PARD3B: variants seen among roughly 807,000 people sequenced by gnomAD.
The protein encoded by PARD3B is par-3 family cell polarity regulator beta.
In PARD3B, 103 loss-of-function variants were observed where a neutral mutation model predicts 130.2. The ratio of observed to expected loss-of-function variants is 0.79; its 90% CI spans 0.67 to 0.93. PARD3B has a LOEUF of 0.93. Ranked by LOEUF, PARD3B falls within the 40% of genes least tolerant of loss-of-function variation. The pLI, the probability that PARD3B is intolerant of heterozygous loss-of-function variation, is 0.00. For synonymous variants in PARD3B, 583 were observed against 553.2 expected, an observed-to-expected ratio of 1.05 and a Z score of -0.76; for missense variants, 1,609 against 1,499.2, an observed-to-expected ratio of 1.07 and a Z score of -1.21.
At chr2:204,980,425 A>AAT (rs1022517014) in intron 3 of PARD3B, among the ~76,000 whole-genome samples, 3 of 152,178 alleles carry the variant, frequency 2.0e-5, no homozygotes, top group African/African-American at 7.2e-5. Flanking sequence ...AATTCCAAAT[A>AAT]ATATATATAG....
intron 1 of PARD3B, among the ~76,000 whole-genome samples, chr2:204,667,981 A>G (rs1255357496): frequency 2.0e-5 from 3 of 152,204 alleles, no homozygotes; most frequent in Admixed American, 2.0e-4. Flanking sequence ...TGATTCTTGT[A>G]TGGACAGAAG....
intron 1 of PARD3B, among the ~76,000 whole-genome samples, chr2:204,587,046 A>G (rs1326062357): frequency 6.6e-6 from 1 of 152,218 alleles, no homozygotes; most frequent in African/African-American, 2.4e-5. Flanking sequence ...ATGCAATGTA[A>G]AAATGGAGTG....
chr2:204,953,579 G>A (rs1384981238), intron 2 of PARD3B, among the ~76,000 whole-genome samples: 1 of 152,104 alleles, frequency 6.6e-6, no homozygotes, highest in African/African-American at 2.4e-5. Context: ...ATCTGGGGGA[G>A]TTATATCATC....
intron 18 of PARD3B, among the ~76,000 whole-genome samples, chr2:205,382,903 G>A (rs2045503873): frequency 6.6e-6 from 1 of 151,530 alleles, no homozygotes; most frequent in Non-Finnish European, 1.5e-5. Context: ...TTATTTTTTG[G>A]CACCGTGAAA....
intron 2 of PARD3B, among the ~76,000 whole-genome samples, chr2:204,948,416 A>G (rs938551672): frequency 2.0e-5 from 3 of 152,190 alleles, no homozygotes; most frequent in Admixed American, 6.5e-5. Context: ...TTGGACCTAC[A>G]TTTGTCAAGT....
chr2:204,586,650 A>C (rs568035203), intron 1 of PARD3B, among the ~76,000 whole-genome samples: 68 of 151,756 alleles, frequency 4.5e-4, no homozygotes, highest in African/African-American at 1.6e-3. Flanking sequence ...GTAGGTCTCG[A>C]ATTTATGACT....
In PARD3B at chr2:205,265,296, T is replaced by TATCA. The variant is rs1444573205; in HGVS notation, c.2185+19474_2185+19475insATCA. ...CACGAGCCTTCAGGGAAGATTGGGGTGATACATGGAATCGATGCACTTTCA... is the reference window on the plus strand; with the variant it reads ...CACGAGCCTTCAGGGAAGATTGGGGTATCAGATACATGGAATCGATGCACTTTCA... On this transcript the variant is annotated intron_variant, in intron 16 of 22. Coordinates refer to ENST00000406610, the MANE Select transcript of PARD3B (RefSeq NM_001302769.2). This position sits in a 1 kb window ranked among gnomAD's most constrained non-coding sequence, Gnocchi z 4.3. Among the ~76,000 whole-genome samples the TATCA allele has an allele frequency of 2.0e-5, 3 of 151,996 alleles. No individual in the cohort carries two copies. Among genetic ancestry groups the TATCA allele is most frequent in the African/African-American group, 4.8e-5 (2 of 41,418 alleles).
At chr2:205,266,032 G>A (rs1220311374) in intron 16 of PARD3B, among the ~76,000 whole-genome samples, 1 of 151,990 alleles carries the variant, frequency 6.6e-6, no homozygotes, top group Non-Finnish European at 1.5e-5. Flanking sequence ...TGTTTCTTAC[G>A]CTAAGATTAT....
chr2:205,415,419 G>A (rs892414651), intron 19 of PARD3B, among the ~76,000 whole-genome samples: 3 of 152,036 alleles, frequency 2.0e-5, no homozygotes, highest in African/African-American at 4.8e-5. Flanking sequence ...TTAAGAAATG[G>A]GCACTTAATT....
intron 21 of PARD3B, among the ~76,000 whole-genome samples, chr2:205,521,473 T>C (rs1218720151): frequency 6.6e-6 from 1 of 152,070 alleles, no homozygotes; most frequent in Non-Finnish European, 1.5e-5. Flanking sequence ...TTAAGGACTT[T>C]TATTTTTGTG....
At chr2:204,730,119 G>A (rs1055243290) in intron 2 of PARD3B, among the ~76,000 whole-genome samples, 1 of 151,806 alleles carries the variant, frequency 6.6e-6, no homozygotes. Flanking sequence ...TTGTCACCCA[G>A]GCTGGAGTGC....
At chr2:204,626,194 T>C (rs2034481635) in intron 1 of PARD3B, among the ~76,000 whole-genome samples, 1 of 152,142 alleles carries the variant, frequency 6.6e-6, no homozygotes, top group Non-Finnish European at 1.5e-5. Context: ...TGGCAGATTT[T>C]TGAAATGCCC....
In PARD3B at chr2:205,085,351, T is replaced by G. The variant is rs557263554; in HGVS notation, c.505-19075T>G. On this transcript the variant is annotated intron_variant, in intron 4 of 22. Coordinates refer to ENST00000406610, the MANE Select transcript of PARD3B (RefSeq NM_001302769.2). ...ACTCTTAGCTAAAGGTAAGAGACAT[T>G]CAGTGATCACTGGTTTTATTTTTTT... Among the ~76,000 whole-genome samples the G allele has an allele frequency of 1.3e-5, 2 of 152,164 alleles. 1 individual carries two copies. The highest frequency in any genetic ancestry group is 4.8e-5 in the African/African-American group (2 of 41,572).
At chr2:205,198,348 T>G (rs76162090) in intron 15 of PARD3B, among the ~76,000 whole-genome samples, 1 of 152,192 alleles carries the variant, frequency 6.6e-6, no homozygotes, top group Middle Eastern at 3.2e-3. Context: ...TTAGGAAGTT[T>G]CCTGACAATG....
At chr2:205,401,942 A>G (rs1046842619) in intron 19 of PARD3B, among the ~76,000 whole-genome samples, 1 of 152,138 alleles carries the variant, frequency 6.6e-6, no homozygotes, top group South Asian at 2.1e-4. Flanking sequence ...ACAACTTTTC[A>G]CTTGCTTATT....
intron 2 of PARD3B, among the ~76,000 whole-genome samples, chr2:204,817,083 T>G (rs771441104): frequency 1.3e-5 from 2 of 152,158 alleles, no homozygotes; most frequent in African/African-American, 2.4e-5. Context: ...GGGCTCTTTT[T>G]ATATATTACA....
Position 205,121,626 on chromosome 2 carries a change from C to A in PARD3B, c.842C>A (p.Pro281Gln), listed in dbSNP as rs756173188. ...QDVFRQAMKSPSVLLHVLPPQ... is the reference protein window; with the variant it reads ...QDVFRQAMKSQSVLLHVLPPQ... ...GTCTTCCGCCAGGCAATGAAATCTC[C>A]AAGTGTGCTCCTCCACGTGCTTCCT... The change falls in exon 8 of 23, where the codon CCA (proline) becomes CAA (glutamine). Residue 281 changes from proline (P) to glutamine (Q), a missense_variant. By Grantham distance (76) the Pro-to-Gln change is moderately conservative (BLOSUM62 -1). Transcript: ENST00000406610. This position sits in a 1 kb window ranked among gnomAD's most constrained non-coding sequence, Gnocchi z 5.0. The A allele has an allele frequency of 6.2e-7, 1 of 1,613,850 alleles. No individual in the cohort carries two copies. Among genetic ancestry groups the A allele is most frequent in the African/African-American group, 1.3e-5 (1 of 74,908 alleles).
At chr2:204,603,744 A>T (rs1471740942) in intron 1 of PARD3B, among the ~76,000 whole-genome samples, 1 of 152,168 alleles carries the variant, frequency 6.6e-6, no homozygotes, top group Non-Finnish European at 1.5e-5. Flanking sequence ...AGAATATGAA[A>T]CTAGGCTTGT....
intron 2 of PARD3B, among the ~76,000 whole-genome samples, chr2:204,854,852 C>A (rs10198512): frequency 0.055 from 8,355 of 152,106 alleles, 476 homozygotes; most frequent in African/African-American, 0.14. Flanking sequence ...AGGTCCTGGA[C>A]ACACACAAGG....
Sources: allele counts gnomAD v4.1 joint callset (sites outside exome capture counted in the v4.1 genomes callset), GRCh38; gene constraint gnomAD v4.1.1; non-coding constraint Gnocchi (gnomAD v3.1); transcripts MANE v1.5; gene names NCBI Gene and HGNC (gene_info 2026-07-23, HGNC 2026-07-21).